Variants in CPPED1 observed in about 807,000 individuals in gnomAD.
CPPED1 encodes the protein serine/threonine-protein phosphatase CPPED1.
CPPED1 carries 28 observed loss-of-function variants against 28.0 expected under a neutral mutation model. The observed-to-expected ratio is 1.00, with a 90% CI of 0.74 to 1.37. The LOEUF (loss-of-function observed/expected upper bound fraction) is 1.37, where lower values mean the gene tolerates loss of function less well. CPPED1 is among the 40% of genes most tolerant of loss of function. The pLI, the probability that CPPED1 is intolerant of heterozygous loss-of-function variation, is 0.00. For missense variants in CPPED1, 504 were observed against 416.5 expected (o/e 1.21, Z -1.83); for synonymous variants, 198 against 180.2 (o/e 1.10, Z -0.79).
intron 2 of CPPED1, among the ~76,000 whole-genome samples, chr16:12,739,500 G>C (rs2080243292): frequency 1.3e-5 from 2 of 152,120 alleles, no homozygotes; most frequent in Non-Finnish European, 2.9e-5. Context: ...AGAATCACTT[G>C]AACCTGGGAG....
At chr16:12,697,814 CAA>C (rs1378456306) in intron 3 of CPPED1, among the ~76,000 whole-genome samples, 5 of 152,116 alleles carry the variant, frequency 3.3e-5, no homozygotes, top group African/African-American at 1.2e-4. Flanking sequence ...ATTTCCCATA[CAA>C]AAGTCAGCTT....
At chr16:12,787,402 TTTC>T (rs1405587385) in intron 1 of CPPED1, among the ~76,000 whole-genome samples, 12 of 82,378 alleles carry the variant, frequency 1.5e-4, no homozygotes, top group South Asian at 5.5e-4. Flanking sequence ...TGAATTTTTC[TTTC>T]TTTTTTTTTT....
chr16:12,787,411 T>C (rs79727899), intron 1 of CPPED1, among the ~76,000 whole-genome samples: 63,243 of 144,008 alleles, frequency 0.44, 14,215 homozygotes, highest in South Asian at 0.65. Flanking sequence ...CTTTCTTTTT[T>C]TTTTTTTTTT....
chr16:12,724,924 C>A (rs1255381405), intron 2 of CPPED1, among the ~76,000 whole-genome samples: 1 of 149,830 alleles, frequency 6.7e-6, no homozygotes, highest in Non-Finnish European at 1.5e-5. Flanking sequence ...GTAGCTGGGA[C>A]TACAGGCACC....
chr16:12,719,503 C>T (rs2080126968), intron 2 of CPPED1, among the ~76,000 whole-genome samples: 1 of 152,122 alleles, frequency 6.6e-6, no homozygotes, highest in African/African-American at 2.4e-5. Context: ...CTAGAAATGT[C>T]TCTTGGAAAG....
chr16:12,801,373 G>A (rs893549921), intron 1 of CPPED1, among the ~76,000 whole-genome samples: 6 of 152,078 alleles, frequency 3.9e-5, no homozygotes, highest in Admixed American at 1.3e-4. Flanking sequence ...GATTACAGGC[G>A]TGAGCCACCG....
At chr16:12,732,296 G>A (rs971601219) in intron 2 of CPPED1, among the ~76,000 whole-genome samples, 9 of 150,794 alleles carry the variant, frequency 6.0e-5, no homozygotes, top group African/African-American at 2.2e-4. Context: ...CTCGGTAGAA[G>A]GCTTAGAAGA....
chr16:12,782,901 G>A (rs1286577592), intron 1 of CPPED1, among the ~76,000 whole-genome samples: 1 of 151,922 alleles, frequency 6.6e-6, no homozygotes, highest in Admixed American at 6.6e-5. Context: ...AATGGACAAT[G>A]CATGTTAACT....
intron 1 of CPPED1, among the ~76,000 whole-genome samples, chr16:12,786,175 A>G (rs944793953): frequency 1.3e-5 from 2 of 152,228 alleles, no homozygotes; most frequent in Non-Finnish European, 2.9e-5. Flanking sequence ...TTATTCCTCC[A>G]GGTGTGACAT....
chr16:12,707,316 G>C (rs1449808210), intron 2 of CPPED1, among the ~76,000 whole-genome samples: 2 of 152,108 alleles, frequency 1.3e-5, no homozygotes, highest in African/African-American at 4.8e-5. Context: ...ATACTTCTTA[G>C]CACTTCCTAC....
intron 1 of CPPED1, among the ~76,000 whole-genome samples, chr16:12,785,897 C>A (rs2080560031): frequency 2.6e-5 from 4 of 151,748 alleles, no homozygotes; most frequent in Admixed American, 2.6e-4. Flanking sequence ...GAGGTCCACT[C>A]CTGAAGCACT....
At chr16:12,741,964 G>A (rs1043659603) in intron 2 of CPPED1, among the ~76,000 whole-genome samples, 1 of 152,104 alleles carries the variant, frequency 6.6e-6, no homozygotes, top group Non-Finnish European at 1.5e-5. Flanking sequence ...GACTTGGGAG[G>A]ATGAGGCGGG....
At chr16:12,694,739 G>C (rs1432775794) in intron 3 of CPPED1, among the ~76,000 whole-genome samples, 3 of 123,256 alleles carry the variant, frequency 2.4e-5, no homozygotes, top group Admixed American at 8.4e-5. Flanking sequence ...GGTGGGGGGG[G>C]GGGCGGGGGC....
intron 1 of CPPED1, among the ~76,000 whole-genome samples, chr16:12,795,619 C>A (rs149583884): frequency 0.031 from 4,746 of 152,232 alleles, 268 homozygotes; most frequent in African/African-American, 0.11. Context: ...GGATTACAGG[C>A]GTGAGCCACT....
At chr16:12,680,497 G>T (rs2079899056) in intron 3 of CPPED1, among the ~76,000 whole-genome samples, 1 of 152,074 alleles carries the variant, frequency 6.6e-6, no homozygotes, top group Admixed American at 6.6e-5. Context: ...GAGCCTTTCA[G>T]CCCTCTAAGG....
At chr16:12,776,419 G>C (rs772447333) in intron 2 of CPPED1, among the ~76,000 whole-genome samples, 3 of 152,208 alleles carry the variant, frequency 2.0e-5, no homozygotes, top group Non-Finnish European at 2.9e-5. Context: ...ATATGGTTTT[G>C]CTGTGGTCTC....
chr16:12,718,571 G>C (rs750083281), intron 2 of CPPED1, among the ~76,000 whole-genome samples: 8 of 150,452 alleles, frequency 5.3e-5, no homozygotes, highest in Non-Finnish European at 1.2e-4. Context: ...AGAAAAAAAA[G>C]GTGTTGATAA....
intron 2 of CPPED1, among the ~76,000 whole-genome samples, chr16:12,728,507 A>G (rs991152559): frequency 3.9e-5 from 6 of 152,138 alleles, no homozygotes; most frequent in Admixed American, 3.9e-4. Flanking sequence ...GGGTGTGACC[A>G]AGTGAAGCAA....
At chr16:12,728,637 C>T (rs1380149063) in intron 2 of CPPED1, among the ~76,000 whole-genome samples, 1 of 152,210 alleles carries the variant, frequency 6.6e-6, no homozygotes, top group East Asian at 1.9e-4. Context: ...ATGATTGCAA[C>T]CTTCCTAGCC....
Sources: gnomAD v4.1 joint callset for allele counts (sites outside exome capture counted in the v4.1 genomes callset) on GRCh38, gnomAD v4.1.1 for gene constraint, MANE v1.5 for transcripts, NCBI Gene and HGNC (gene_info 2026-07-23, HGNC 2026-07-21) for gene names.